CERK: variants seen among roughly 807,000 people sequenced by gnomAD.
CERK encodes the protein acylsphingosine kinase.
CERK carries 39 observed loss-of-function variants against 63.4 expected under a neutral mutation model. The observed-to-expected ratio is 0.61, with a 90% CI of 0.48 to 0.80. The LOEUF is 0.80. CERK is among the 30% of genes least tolerant of loss of function. The probability of loss-of-function intolerance (pLI) is 0.00; values close to 1 mark genes in which losing one functional copy is unlikely to be tolerated. For synonymous variants in CERK, 302 were observed against 280.0 expected (o/e 1.08, Z -0.78); for missense variants, 670 against 714.1 (o/e 0.94, Z 0.70).
intron 9 of CERK, among the ~76,000 whole-genome samples, chr22:46,694,773 A>G (rs1304073683): frequency 6.6e-6 from 1 of 152,140 alleles, no homozygotes; most frequent in African/African-American, 2.4e-5. Flanking sequence ...GTGGCTGCTG[A>G]GAGTGCACAC....
intron 5 of CERK, 130 bp downstream of exon 5, chr22:46,710,955 GT>G (rs987144586): frequency 1.5e-4 from 104 of 677,172 alleles, no homozygotes; most frequent in South Asian, 2.6e-4. Context: ...TAAGAAGCAT[GT>G]TTACTTTTAC....
At chr22:46,700,668 A>C (rs941887226) in intron 7 of CERK, among the ~76,000 whole-genome samples, 8 of 152,198 alleles carry the variant, frequency 5.3e-5, no homozygotes, top group African/African-American at 1.7e-4. Context: ...AGTCAAGATC[A>C]TGCCACTGCA....
At chr22:46,689,582 G>A (rs553671656) in intron 12 of CERK, among the ~76,000 whole-genome samples, 27 of 152,036 alleles carry the variant, frequency 1.8e-4, no homozygotes, top group African/African-American at 5.8e-4. Context: ...CCATGTTGGC[G>A]AGGCTGGTCT....
intron 1 of CERK, among the ~76,000 whole-genome samples, chr22:46,732,144 G>A (rs535857301): frequency 2.0e-5 from 3 of 152,288 alleles, no homozygotes; most frequent in Non-Finnish European, 2.9e-5. Context: ...TGTGGGATCC[G>A]GACAGCCGAA....
chr22:46,715,702 A>G (rs1344007492), intron 3 of CERK, among the ~76,000 whole-genome samples: 1 of 152,196 alleles, frequency 6.6e-6, no homozygotes, highest in Non-Finnish European at 1.5e-5. Flanking sequence ...ATGAATACAT[A>G]AAAAGAAAGA....
intron 6 of CERK, among the ~76,000 whole-genome samples, chr22:46,703,145 C>G (rs954942203): frequency 3.3e-4 from 50 of 152,314 alleles, no homozygotes; most frequent in African/African-American, 1.1e-3. Flanking sequence ...GAATGACGAT[C>G]TCTTCTTCCT....
At chr22:46,731,909 C>T (rs1460462298) in intron 1 of CERK, among the ~76,000 whole-genome samples, 2 of 152,046 alleles carry the variant, frequency 1.3e-5, no homozygotes, top group Admixed American at 6.5e-5. Flanking sequence ...TAGTGACCCT[C>T]AGGGTGCTCT....
rs190462486 is a variant in CERK at position 46,696,408 on chromosome 22, G to A, written c.944-1093C>T. The stretch of plus-strand genomic sequence containing the variant: ...GACGTCGTGTCCACGGCCCTGGGAG[G>A]AGGCCGACCCACTGGTCAGCAACCT... On this transcript the variant is annotated intron_variant, in intron 8 of 12. Coordinates refer to ENST00000216264, the MANE Select transcript of CERK (RefSeq NM_022766.6). Among the ~76,000 whole-genome samples the A allele has an allele frequency of 5.0e-4, 76 of 152,274 alleles. 1 individual carries two copies. Among genetic ancestry groups the A allele is most frequent in the Admixed American group, 1.3e-3 (20 of 15,304 alleles).
chr22:46,733,555 A>G (rs1318423088), intron 1 of CERK, among the ~76,000 whole-genome samples: 7 of 151,244 alleles, frequency 4.6e-5, no homozygotes, highest in Non-Finnish European at 1.0e-4. Flanking sequence ...CGGCCTCCCA[A>G]AGTGCTGGGA....
Position 46,699,322 on chromosome 22 carries a change from C to G in CERK, c.934G>C (p.Asp312His), listed in dbSNP as rs1260843524. The change falls in exon 8 of 13, where the codon GAC becomes CAC. Residue 312 changes from aspartate (D) to histidine (H), a missense_variant. Physicochemically the swap from Asp to His is moderately conservative, Grantham distance 81. Coordinates refer to ENST00000216264, the MANE Select transcript of CERK (RefSeq NM_022766.6). ...KKRWLGLARY[D>H]FSGLKTFLSH... ...CATTATTCTGAGTTACCTGAAAAGT[C>G]GTATCTGGCAAGACCCAACCACCGT... 6.2e-7 allele frequency: 1 copy of G among 1,614,096 alleles called. No individual in the cohort carries two copies. The highest frequency in any genetic ancestry group is 1.7e-5 in the Admixed American group (1 of 60,022).
At chr22:46,724,820 C>G (rs1455147592) in intron 1 of CERK, among the ~76,000 whole-genome samples, 2 of 152,078 alleles carry the variant, frequency 1.3e-5, no homozygotes, top group African/African-American at 4.8e-5. Context: ...GAGATCGAGA[C>G]CACCCTGGCT....
intron 1 of CERK, among the ~76,000 whole-genome samples, chr22:46,723,726 G>A (rs1028456722): frequency 8.8e-4 from 132 of 150,124 alleles, no homozygotes; most frequent in African/African-American, 3.1e-3. Context: ...TTTTGTTTTT[G>A]AAATGGAGTC....
chr22:46,725,369 G>A (rs1214788601), intron 1 of CERK, among the ~76,000 whole-genome samples: 10 of 152,158 alleles, frequency 6.6e-5, no homozygotes, highest in Middle Eastern at 3.2e-3. Context: ...TCATGTGGAC[G>A]GCAGTGGGAC....
intron 3 of CERK, among the ~76,000 whole-genome samples, chr22:46,716,992 A>C (rs2082869987): frequency 6.6e-6 from 1 of 152,044 alleles, no homozygotes; most frequent in Non-Finnish European, 1.5e-5. Flanking sequence ...AAAGATAACA[A>C]CCAAACGGAA....
intron 3 of CERK, among the ~76,000 whole-genome samples, chr22:46,719,589 T>C (rs922881293): frequency 6.6e-6 from 1 of 152,106 alleles, no homozygotes; most frequent in African/African-American, 2.4e-5. Context: ...GAAGAATCAC[T>C]TGAACCCAGG....
At chr22:46,709,015 C>G (rs1433552572) in intron 5 of CERK, among the ~76,000 whole-genome samples, 2 of 152,200 alleles carry the variant, frequency 1.3e-5, no homozygotes, top group African/African-American at 4.8e-5. Flanking sequence ...ACCCACCACT[C>G]AGGCCACCTG....
At chr22:46,706,137 C>T (rs2082811688) in intron 6 of CERK, among the ~76,000 whole-genome samples, 1 of 152,266 alleles carries the variant, frequency 6.6e-6, no homozygotes, top group African/African-American at 2.4e-5. Context: ...CGACCTTGCA[C>T]AGCTGTGCTC....
intron 1 of CERK, among the ~76,000 whole-genome samples, chr22:46,726,830 G>A (rs2082920849): frequency 6.7e-6 from 1 of 149,826 alleles, no homozygotes; most frequent in African/African-American, 2.4e-5. Context: ...ATACACAGAT[G>A]GAAGGTGGGG....
intron 11 of CERK, among the ~76,000 whole-genome samples, chr22:46,690,958 T>C (rs763617549): frequency 4.2e-4 from 64 of 151,998 alleles, no homozygotes; most frequent in Admixed American, 8.5e-4. Flanking sequence ...TGTATGTATG[T>C]ATGTGTGTGT....
Sources: gnomAD v4.1 joint callset for allele counts (sites outside exome capture counted in the v4.1 genomes callset) on GRCh38, gnomAD v4.1.1 for gene constraint, MANE v1.5 for transcripts, NCBI Gene and HGNC (gene_info 2026-07-23, HGNC 2026-07-21) for gene names.